Variants in LRP6 observed in about 807,000 individuals in gnomAD.
LRP6 encodes LDL receptor related protein 6.
Under a neutral mutation model 184.1 loss-of-function variants are expected in LRP6, and 43 were observed. The observed-to-expected ratio is 0.23, with a 90% CI of 0.18 to 0.30. The LOEUF (loss-of-function observed/expected upper bound fraction) is 0.30. Ranked by LOEUF, LRP6 falls within the 10% of genes least tolerant of loss-of-function variation. LRP6 has a pLI of 1.00. For synonymous variants in LRP6, 719 were observed against 684.9 expected (o/e 1.05, Z -0.78); for missense variants, 1,571 against 2,005.3 (o/e 0.78, Z 4.14).
intron 7 of LRP6, among the ~76,000 whole-genome samples, chr12:12,171,605 A>G (rs1438033257): frequency 6.6e-6 from 1 of 152,168 alleles, no homozygotes; most frequent in Non-Finnish European, 1.5e-5. Context: ...TGGTATAGAA[A>G]GGAATTATAA....
intron 2 of LRP6, among the ~76,000 whole-genome samples, chr12:12,213,371 T>C (rs1473920533): frequency 6.6e-6 from 1 of 152,122 alleles, no homozygotes; most frequent in Non-Finnish European, 1.5e-5. Flanking sequence ...AGGAAAAACA[T>C]TTACTATTTT....
chr12:12,257,172 T>C (rs976982411), intron 1 of LRP6, among the ~76,000 whole-genome samples: 2 of 152,192 alleles, frequency 1.3e-5, no homozygotes, highest in Non-Finnish European at 2.9e-5. Flanking sequence ...TGGAATGAGA[T>C]AGTGGTGATG....
intron 3 of LRP6, among the ~76,000 whole-genome samples, chr12:12,196,057 T>C (rs898023568): frequency 6.6e-6 from 1 of 152,210 alleles, no homozygotes; most frequent in African/African-American, 2.4e-5. Flanking sequence ...ATGTTTCTGT[T>C]TTTATGCCAG....
At chr12:12,213,616 G>A (rs1441097826) in intron 2 of LRP6, among the ~76,000 whole-genome samples, 1 of 151,904 alleles carries the variant, frequency 6.6e-6, no homozygotes, top group African/African-American at 2.4e-5. Context: ...TTCATTTGAT[G>A]TTTAAGTTTT....
At chr12:12,180,154 T>C (rs924679790) in intron 6 of LRP6, among the ~76,000 whole-genome samples, 173 bp from the exon 7 acceptor site, 1 of 150,744 alleles carries the variant, frequency 6.6e-6, no homozygotes, top group Non-Finnish European at 1.5e-5. Flanking sequence ...CCCAGCAATA[T>C]ATAAGATTGT....
At chr12:12,129,561 C>CTTTTTTTTTTTTTTTTT (rs558494694) in intron 19 of LRP6, among the ~76,000 whole-genome samples, 18 of 150,404 alleles carry the variant, frequency 1.2e-4, no homozygotes, top group African/African-American at 4.4e-4. Flanking sequence ...TCTTTTTTTT[C>CTTTTTTTTTTTTTTTTT]TTTTTTTTTG....
In LRP6 at chr12:12,184,052, C is replaced by A; in HGVS notation, c.904G>T (p.Val302Phe). ...GCSHLCLMSP[V>F]KPFYQCACPT... ...CAAGCACACTGATAAAAAGGCTTGACTGGAGACATCAAACACAAATGGGAA... is the reference window on the plus strand; with the variant it reads ...CAAGCACACTGATAAAAAGGCTTGAATGGAGACATCAAACACAAATGGGAA... The change falls in exon 5 of 23, where the codon GTC becomes TTC. Residue 302 changes from valine (V) to phenylalanine (F), a missense_variant. Around this residue, in one of 4 missense-constraint regions of LRP6, gnomAD observed 640 missense variants for 851.9 expected, o/e 0.75. Coordinates refer to ENST00000261349, the MANE Select transcript of LRP6 (RefSeq NM_002336.3). The A allele has an allele frequency of 6.2e-7, 1 of 1,613,738 alleles. No homozygotes were observed. Among genetic ancestry groups the A allele is most frequent in the Non-Finnish European group, 8.5e-7 (1 of 1,179,658 alleles).
intron 2 of LRP6, among the ~76,000 whole-genome samples, chr12:12,227,324 A>G (rs994976336): frequency 3.3e-5 from 5 of 152,104 alleles, no homozygotes; most frequent in African/African-American, 1.2e-4. Context: ...GAAGAAAAAT[A>G]ATATAGGTCA....
intron 2 of LRP6, among the ~76,000 whole-genome samples, chr12:12,220,685 A>G (rs1864464598): frequency 6.7e-6 from 1 of 149,618 alleles, no homozygotes. Context: ...TGCAACCTCC[A>G]CCTCCTGGGC....
chr12:12,224,570 C>T (rs1337135399), intron 2 of LRP6, among the ~76,000 whole-genome samples: 2 of 152,046 alleles, frequency 1.3e-5, no homozygotes, highest in African/African-American at 4.8e-5. Flanking sequence ...ATTTTACAAC[C>T]GAGTTCTCTA....
intron 1 of LRP6, among the ~76,000 whole-genome samples, chr12:12,248,568 G>A (rs1465391902): frequency 7.5e-6 from 1 of 132,550 alleles, no homozygotes; most frequent in Non-Finnish European, 1.6e-5. Flanking sequence ...TGCAAGGTCC[G>A]CCTCCCGGGT....
At chr12:12,199,334 G>A (rs914343814) in intron 3 of LRP6, among the ~76,000 whole-genome samples, 2 of 151,910 alleles carry the variant, frequency 1.3e-5, no homozygotes, top group Non-Finnish European at 2.9e-5. Flanking sequence ...ATGTGTCTCT[G>A]TTGTCCATTG....
intron 5 of LRP6, 84 bp downstream of exon 5, chr12:12,183,895 AC>A: frequency 7.9e-7 from 1 of 1,268,482 alleles, no homozygotes; most frequent in Non-Finnish European, 1.1e-6. Context: ...AAGCAGTATA[AC>A]CTAGAGAGCT....
At chr12:12,202,234 T>A (rs536390406) in intron 3 of LRP6, among the ~76,000 whole-genome samples, 19 of 152,366 alleles carry the variant, frequency 1.2e-4, no homozygotes, top group Non-Finnish European at 2.8e-4. Flanking sequence ...GCCCACAGGC[T>A]CATTCTGCTT....
At chr12:12,221,426 CT>C (rs777780545) in intron 2 of LRP6, among the ~76,000 whole-genome samples, 18 of 152,192 alleles carry the variant, frequency 1.2e-4, no homozygotes, top group African/African-American at 2.7e-4. Flanking sequence ...CACCTCCCCC[CT>C]CTTCCCTCTC....
intron 2 of LRP6, among the ~76,000 whole-genome samples, chr12:12,229,387 AGAAGAAG>A (rs1314391412): frequency 5.4e-5 from 6 of 110,428 alleles, no homozygotes; most frequent in Non-Finnish European, 7.8e-5. Context: ...AAAAAAAAAA[AGAAGAAG>A]AAGAAGAATA....
chr12:12,236,596 C>T (rs986875886), intron 2 of LRP6, among the ~76,000 whole-genome samples: 1 of 152,156 alleles, frequency 6.6e-6, no homozygotes, highest in Non-Finnish European at 1.5e-5. Flanking sequence ...GTAACGGGCT[C>T]GGTCCTAAAA....
At chr12:12,249,010 G>A (rs373637398) in intron 1 of LRP6, 120 of 594,226 alleles carry the variant, frequency 2.0e-4, no homozygotes, top group East Asian at 1.5e-3. Flanking sequence ...CCACAGGCTC[G>A]GGGGTAAAAG....
At chr12:12,146,852 A>G (rs576417960) in intron 15 of LRP6, among the ~76,000 whole-genome samples, 3 of 152,252 alleles carry the variant, frequency 2.0e-5, no homozygotes, top group South Asian at 4.1e-4. Context: ...GAAAGGATGC[A>G]TTAGAAATGT....
Sources: gnomAD v4.1 joint callset for allele counts (sites outside exome capture counted in the v4.1 genomes callset) on GRCh38, gnomAD v4.1.1 for gene constraint, gnomAD v4.1.1 regional missense constraint, MANE v1.5 for transcripts, NCBI Gene and HGNC (gene_info 2026-07-23, HGNC 2026-07-21) for gene names.